The following GALNT13 variants were observed in gnomAD, a reference collection of about 807,000 sequenced individuals.
The protein encoded by GALNT13 is UDP-GalNAc:polypeptide N-acetylgalactosaminyltransferase 13.
GALNT13 carries 28 observed loss-of-function variants against 64.2 expected under a neutral mutation model. That is an observed-to-expected ratio of 0.44 (90% CI 0.32 to 0.60). The LOEUF is 0.60. Ranked by LOEUF, GALNT13 falls within the 20% of genes least tolerant of loss-of-function variation. The probability of loss-of-function intolerance (pLI) is 0.05; values close to 1 mark genes in which losing one functional copy is unlikely to be tolerated. For missense variants in GALNT13, 577 were observed against 669.8 expected, an observed-to-expected ratio of 0.86 and a Z score of 1.53; for synonymous variants, 214 against 224.6, an observed-to-expected ratio of 0.95 and a Z score of 0.42.
chr2:154,154,224 A>G (rs1309223448), intron 4 of GALNT13, among the ~76,000 whole-genome samples: 1 of 152,242 alleles, frequency 6.6e-6, no homozygotes, highest in Non-Finnish European at 1.5e-5. Flanking sequence ...TTCCAAAAAA[A>G]TAAGAAAATT....
At chr2:153,505,981 C>T in the GALNT13 span, among the ~76,000 whole-genome samples, 3 of 152,070 alleles carry the variant, frequency 2.0e-5, no homozygotes, top group Admixed American at 1.3e-4. Context: ...TGGCATTGAT[C>T]TCATTTCTTA....
At chr2:154,140,690 G>T (rs2105580276) in intron 4 of GALNT13, among the ~76,000 whole-genome samples, 185 bp downstream of exon 4, 1 of 152,178 alleles carries the variant, frequency 6.6e-6, no homozygotes, top group South Asian at 2.1e-4. Context: ...CCCTGGCAAA[G>T]AAAAATACGT....
the GALNT13 span, among the ~76,000 whole-genome samples, chr2:153,642,567 T>A: frequency 2.0e-5 from 3 of 151,806 alleles, no homozygotes; most frequent in Admixed American, 6.6e-5. Context: ...AACATATTTT[T>A]AAAAACATAT....
intron 9 of GALNT13, among the ~76,000 whole-genome samples, chr2:154,379,514 A>G (rs532538410): frequency 5.3e-5 from 8 of 152,136 alleles, no homozygotes; most frequent in South Asian, 4.1e-4. Flanking sequence ...TACATATTCA[A>G]TTCCTTAGAA....
the GALNT13 span, among the ~76,000 whole-genome samples, chr2:153,083,370 G>A: frequency 4.6e-5 from 7 of 152,236 alleles, no homozygotes; most frequent in South Asian, 1.5e-3. Flanking sequence ...ATGTAAAAGT[G>A]CTCCCTTTTC....
At chr2:154,333,440 T>C (rs1356505878) in intron 9 of GALNT13, among the ~76,000 whole-genome samples, 1 of 152,086 alleles carries the variant, frequency 6.6e-6, no homozygotes, top group Non-Finnish European at 1.5e-5. Context: ...TATAACTCTT[T>C]TATCTAGAAA....
chr2:153,552,079 CAT>C, the GALNT13 span, among the ~76,000 whole-genome samples: 2 of 152,220 alleles, frequency 1.3e-5, no homozygotes, highest in East Asian at 1.9e-4. Flanking sequence ...TCAAATGTCA[CAT>C]GTTTCTGGTA....
At chr2:153,262,363 G>A in the GALNT13 span, among the ~76,000 whole-genome samples, 1 of 152,012 alleles carries the variant, frequency 6.6e-6, no homozygotes, top group African/African-American at 2.4e-5. Flanking sequence ...CTGTCCTCTG[G>A]GACTACAAAG....
At chr2:153,789,164 A>G in the GALNT13 span, among the ~76,000 whole-genome samples, 1 of 152,174 alleles carries the variant, frequency 6.6e-6, no homozygotes, top group Non-Finnish European at 1.5e-5. Flanking sequence ...TTATTGCCAC[A>G]TGACACATAC....
At chr2:153,332,543 T>C in the GALNT13 span, among the ~76,000 whole-genome samples, 1 of 151,676 alleles carries the variant, frequency 6.6e-6, no homozygotes, top group South Asian at 2.1e-4. Flanking sequence ...TGTTTTTTTT[T>C]TTTTTTCTTT....
chr2:153,687,681 G>A, the GALNT13 span, among the ~76,000 whole-genome samples: 2 of 151,914 alleles, frequency 1.3e-5, no homozygotes, highest in South Asian at 2.1e-4. Context: ...TCCTGAGGGA[G>A]CTTCAATAAC....
the GALNT13 span, among the ~76,000 whole-genome samples, chr2:153,685,299 CT>C: frequency 6.6e-6 from 1 of 151,760 alleles, no homozygotes; most frequent in Non-Finnish European, 1.5e-5. Context: ...TTGTATACTC[CT>C]TTTTCTCCAA....
At chr2:153,395,742 G>C in the GALNT13 span, among the ~76,000 whole-genome samples, 2 of 152,072 alleles carry the variant, frequency 1.3e-5, no homozygotes, top group Admixed American at 1.3e-4. Flanking sequence ...AAAGGATCAG[G>C]TGATGAATAT....
chr2:153,819,911 A>G, the GALNT13 span, among the ~76,000 whole-genome samples: 2 of 152,240 alleles, frequency 1.3e-5, no homozygotes, highest in Non-Finnish European at 2.9e-5. Context: ...GGTCCTAATC[A>G]AAATGGAAAC....
chr2:153,655,528 C>T, the GALNT13 span, among the ~76,000 whole-genome samples: 4 of 152,030 alleles, frequency 2.6e-5, no homozygotes, highest in African/African-American at 7.2e-5. Context: ...AACCAATGAA[C>T]ATGAGAATCG....
At chr2:153,839,017 A>C in the GALNT13 span, among the ~76,000 whole-genome samples, 4 of 151,738 alleles carry the variant, frequency 2.6e-5, no homozygotes, top group Non-Finnish European at 5.9e-5. Context: ...ATTCATAAGT[A>C]TTTTATTCAT....
chr2:154,185,752 T>G (rs1686215236), intron 4 of GALNT13, among the ~76,000 whole-genome samples: 2 of 152,014 alleles, frequency 1.3e-5, no homozygotes, highest in African/African-American at 4.8e-5. Flanking sequence ...GTTTTCCTGA[T>G]TTTATTTAGT....
chr2:154,038,153 C>T (rs1408854211), intron 3 of GALNT13, among the ~76,000 whole-genome samples: 11 of 152,112 alleles, frequency 7.2e-5, no homozygotes, highest in Non-Finnish European at 1.0e-4. Flanking sequence ...AGACAACCCA[C>T]GCTCATGGAT....
chr2:153,976,709 T>C (rs1035043556), intron 3 of GALNT13, among the ~76,000 whole-genome samples: 13 of 152,104 alleles, frequency 8.5e-5, no homozygotes, highest in Non-Finnish European at 1.9e-4. Flanking sequence ...GTCAATCGAT[T>C]ATGTTGGGTT....
Sources: gnomAD v4.1 joint callset for allele counts (sites outside exome capture counted in the v4.1 genomes callset) on GRCh38, gnomAD v4.1.1 for gene constraint, MANE v1.5 for transcripts, NCBI Gene and HGNC (gene_info 2026-07-23, HGNC 2026-07-21) for gene names.